HMCN1: variants seen among roughly 807,000 people sequenced by gnomAD.
The protein encoded by HMCN1 is hemicentin-1.
In HMCN1, 321 loss-of-function variants were observed where a neutral mutation model predicts 625.9. That is an observed-to-expected ratio of 0.51 (90% CI 0.47 to 0.56). HMCN1 has a LOEUF of 0.56. Ranked by LOEUF, HMCN1 falls within the 20% of genes least tolerant of loss-of-function variation. The pLI, the probability that HMCN1 is intolerant of heterozygous loss-of-function variation, is 0.00. For missense variants in HMCN1, 6,588 were observed against 6,887.3 expected, an observed-to-expected ratio of 0.96 and a Z score of 1.54; for synonymous variants, 2,425 against 2,417.6, an observed-to-expected ratio of 1.00 and a Z score of -0.09.
In HMCN1 at chr1:185,923,571, C is replaced by G. The variant is rs1434782051; in HGVS notation, c.1203C>G (p.Phe401Leu). 1 of 1,610,744 alleles carries G rather than the reference C, an allele frequency of 6.2e-7. No individual in the cohort carries two copies. The highest frequency in any genetic ancestry group is 8.5e-7 in the Non-Finnish European group (1 of 1,178,054). The change falls in exon 8 of 107, where the codon TTC (phenylalanine) becomes TTG (leucine). Residue 401 changes from phenylalanine to leucine, a missense_variant. Phe to Leu is a conservative substitution (Grantham distance 22). Coordinates refer to ENST00000271588, the MANE Select transcript of HMCN1 (RefSeq NM_031935.3). ...ISDFVPPNEA[F>L]FLKVTGYDKD... ...ACTTTGTACCACCAAATGAAGCTTTCTTTCTCAAAGTAACAGGCTATGATA... is the reference window on the plus strand; with the variant it reads ...ACTTTGTACCACCAAATGAAGCTTTGTTTCTCAAAGTAACAGGCTATGATA...
chr1:186,183,833 G>A (rs1406940969), intron 105 of HMCN1, among the ~76,000 whole-genome samples: 1 of 152,068 alleles, frequency 6.6e-6, no homozygotes, highest in Non-Finnish European at 1.5e-5. Flanking sequence ...TGGGGTGAGG[G>A]CACTTTGTCC....
intron 97 of HMCN1, among the ~76,000 whole-genome samples, chr1:186,158,947 G>A (rs527736266): frequency 6.6e-6 from 1 of 150,900 alleles, no homozygotes; most frequent in Non-Finnish European, 1.5e-5. Flanking sequence ...ATGAACTTTA[G>A]TTTTTTCCAA....
At chr1:185,819,042 G>A (rs892798060) in intron 1 of HMCN1, among the ~76,000 whole-genome samples, 1 of 151,862 alleles carries the variant, frequency 6.6e-6, no homozygotes, top group Admixed American at 6.6e-5. Context: ...TTCGAGACCA[G>A]CCTGGCCAAC....
At chr1:186,080,349 G>A (rs1375594094) in intron 55 of HMCN1, among the ~76,000 whole-genome samples, 1 of 151,790 alleles carries the variant, frequency 6.6e-6, no homozygotes, top group East Asian at 1.9e-4. Context: ...AAAGTGGGGG[G>A]GAAATAAGCT....
intron 6 of HMCN1, among the ~76,000 whole-genome samples, chr1:185,916,878 T>C (rs1175476306): frequency 1.3e-5 from 2 of 152,126 alleles, no homozygotes; most frequent in Non-Finnish European, 2.9e-5. Context: ...ATTTAGAACA[T>C]GCAGCATCTT....
intron 30 of HMCN1, among the ~76,000 whole-genome samples, chr1:186,010,641 A>T (rs1293587363): frequency 6.6e-6 from 1 of 152,234 alleles, no homozygotes. Context: ...ATAGATTAAC[A>T]TATGATATAA....
At chr1:185,944,310 T>C (rs1284498481) in intron 11 of HMCN1, among the ~76,000 whole-genome samples, 4 of 152,136 alleles carry the variant, frequency 2.6e-5, no homozygotes. Context: ...CTTTGAAGAC[T>C]CAGAAGGGAG....
At chr1:186,068,082 CT>C in intron 50 of HMCN1, 75 bp downstream of exon 50, 1 of 1,348,482 alleles carries the variant, frequency 7.4e-7, no homozygotes, top group Non-Finnish European at 1.1e-6. Context: ...TCATTGGTTA[CT>C]TTTTATAAAA....
intron 36 of HMCN1, among the ~76,000 whole-genome samples, chr1:186,034,066 T>C (rs1011237020): frequency 9.9e-5 from 15 of 152,208 alleles, no homozygotes; most frequent in Admixed American, 7.9e-4. Flanking sequence ...AATCTCTAAT[T>C]ATCTGGATGA....
chr1:186,128,128 A>C lies in HMCN1; in HGVS notation c.12741A>C (p.Glu4247Asp), dbSNP rs1661738337. Residue 4247 changes from glutamate (E) to aspartate (D), a missense_variant, in exon 83 of 107, where the codon GAA (glutamate) becomes GAC (aspartate). Physicochemically the swap from Glu to Asp is conservative, Grantham distance 45 (BLOSUM62 2). Coordinates refer to ENST00000271588, the MANE Select transcript of HMCN1 (RefSeq NM_031935.3). ...YTCVANNAAG[E>D]DTHTVSLTVH... ...GTGTTGCTAACAATGCTGCAGGTGA[A>C]GATACACACACTGTCAGCCTGACTG... 2 of 1,613,678 alleles carry C rather than the reference A, an allele frequency of 1.2e-6. No individual in the cohort carries two copies. Among genetic ancestry groups the C allele is most frequent in the African/African-American group, 2.7e-5 (2 of 75,006 alleles).
chr1:185,757,253 G>A (rs907171685), intron 1 of HMCN1, among the ~76,000 whole-genome samples: 3 of 152,086 alleles, frequency 2.0e-5, no homozygotes, highest in African/African-American at 4.8e-5. Context: ...GATTACAGGC[G>A]TGAGCCACTG....
At chr1:186,081,513 A>G in intron 56 of HMCN1, 119 bp downstream of exon 56, 1 of 721,834 alleles carries the variant, frequency 1.4e-6, no homozygotes, top group South Asian at 1.8e-5. Flanking sequence ...TTGTAAAAAT[A>G]ACCAACCATC....
rs200156765 is a variant in HMCN1 at position 186,015,942 on chromosome 1, CTA to C, written c.4910-14_4910-13del. ...ACACAAATAATTGCCTGAAATATTG[CTA>C]TGTTTCTCCCTAGTTCCTCCAATGA... On this transcript the variant is annotated splice_polypyrimidine_tract_variant and intron_variant, in intron 31 of 106. Transcript: ENST00000271588. The C allele has an allele frequency of 8.2e-4, 1,313 of 1,608,256 alleles. 9 individuals carry two copies. In the African/African-American group the frequency reaches 0.015, roughly 19 times the overall value.
intron 1 of HMCN1, among the ~76,000 whole-genome samples, chr1:185,744,151 GCTAA>G (rs1654219173): frequency 2.7e-5 from 4 of 150,784 alleles, no homozygotes; most frequent in Admixed American, 6.6e-5. Flanking sequence ...ACCACACCCA[GCTAA>G]TTTTTTTTTT....
At chr1:185,858,659 C>T (rs1301978552) in intron 2 of HMCN1, among the ~76,000 whole-genome samples, 1 of 114,622 alleles carries the variant, frequency 8.7e-6, no homozygotes, top group Non-Finnish European at 1.7e-5. Flanking sequence ...CTCTGTTGCA[C>T]AGGCTGGTCT....
In HMCN1 at chr1:186,128,197, A is replaced by G; in HGVS notation, c.12810A>G (p.Ser4270=). Residue 4270 remains serine (S), a synonymous_variant, in exon 83 of 107, where the codon TCA becomes TCG. Coordinates refer to ENST00000271588, the MANE Select transcript of HMCN1 (RefSeq NM_031935.3). ...PTFTELPGDV[S]LNKGEQLRLS... ...TTACTGAACTTCCTGGAGACGTGTC[A>G]TTAAATAAAGGAGAACAGCTACGAT... 1 of 1,613,722 alleles carries G rather than the reference A, an allele frequency of 6.2e-7. No individual in the cohort carries two copies. The highest frequency in any genetic ancestry group is 8.5e-7 in the Non-Finnish European group (1 of 1,179,766).
intron 1 of HMCN1, among the ~76,000 whole-genome samples, chr1:185,795,843 G>T (rs972197701): frequency 2.6e-5 from 4 of 152,132 alleles, no homozygotes; most frequent in Admixed American, 1.3e-4. Flanking sequence ...TCACTCTTAT[G>T]TCACAAGGTC....
At chr1:185,814,556 A>C (rs1659725984) in intron 1 of HMCN1, among the ~76,000 whole-genome samples, 1 of 152,076 alleles carries the variant, frequency 6.6e-6, no homozygotes, top group Admixed American at 6.6e-5. Context: ...ATGTTTGGTG[A>C]TATTTAGTCA....
Position 185,858,561 on chromosome 1 carries a change from GCCT to G in HMCN1, c.340-5908_340-5906del, listed in dbSNP as rs1662624862. 6.9e-5 allele frequency among the ~76,000 whole-genome samples: 3 copies of G among 43,236 alleles called. 1 individual carries two copies. Among genetic ancestry groups the G allele is most frequent in the African/African-American group, 7.5e-4 (1 of 1,340 alleles). 28.4% of individuals were successfully genotyped at this position (43,236 alleles called of 152,430 possible). On this transcript the variant is annotated intron_variant, in intron 2 of 106. Transcript: ENST00000271588. The stretch of plus-strand genomic sequence containing the variant: ...AGCTGGGACCACGTGCCAGCTATAT[GCCT>G]ATATGCCACCACACCCAGCTAATTT...
Sources: allele counts gnomAD v4.1 joint callset (sites outside exome capture counted in the v4.1 genomes callset), GRCh38; gene constraint gnomAD v4.1.1; transcripts MANE v1.5; gene names NCBI Gene and HGNC (gene_info 2026-07-23, HGNC 2026-07-21).